Variants in AFAP1 observed in about 807,000 individuals in gnomAD.
The protein encoded by AFAP1 is actin filament associated protein 1.
A neutral mutation model predicts 93.9 loss-of-function variants in AFAP1; 75 were observed. That is an observed-to-expected ratio of 0.80 (90% CI 0.66 to 0.97). AFAP1 has a LOEUF of 0.97. AFAP1 is among the 50% of genes least tolerant of loss of function. AFAP1 has a pLI of 0.00. For missense variants in AFAP1, 1,201 were observed against 1,050.8 expected, an observed-to-expected ratio of 1.14 and a Z score of -1.98; for synonymous variants, 517 against 430.7, an observed-to-expected ratio of 1.20 and a Z score of -2.48.
intron 4 of AFAP1, among the ~76,000 whole-genome samples, chr4:7,844,563 C>A (rs1457801879): frequency 6.6e-6 from 1 of 152,220 alleles, no homozygotes; most frequent in East Asian, 1.9e-4. Context: ...GCCCCCACTG[C>A]AGGCTGTAAG....
At position 7,786,304 on chromosome 4, in the gene AFAP1, T is replaced by G. The variant is rs1162036849; in HGVS notation, c.1420A>C (p.Asn474His). ...QTAKQTFCFM[N>H]RRVISANPYL... ...GGGTTAGCAGATATAACACGCCTGT[T>G]CATGAAACTGAAAGAAAGGAAATGC... The change falls in exon 12 of 18, where the codon AAC (asparagine) becomes CAC (histidine). Residue 474 changes from asparagine to histidine, a missense_variant. Asn to His is a moderately conservative substitution (Grantham distance 68). Coordinates refer to ENST00000420658, the MANE Select transcript of AFAP1 (RefSeq NM_001134647.2). 1 of 1,613,242 alleles carries G rather than the reference T, an allele frequency of 6.2e-7. No homozygotes were observed. The highest frequency in any genetic ancestry group is 1.7e-5 in the Admixed American group (1 of 60,010).
intron 1 of AFAP1, among the ~76,000 whole-genome samples, chr4:7,892,750 C>G (rs147531853): frequency 6.6e-6 from 1 of 152,076 alleles, no homozygotes; most frequent in Non-Finnish European, 1.5e-5. Context: ...TGGTAACACC[C>G]CAAACTATTC....
intron 3 of AFAP1, among the ~76,000 whole-genome samples, chr4:7,865,303 C>T (rs1047381454): frequency 4.6e-5 from 7 of 152,112 alleles, no homozygotes; most frequent in Non-Finnish European, 1.5e-5. Flanking sequence ...GAGAAATTAC[C>T]CACTGGCAAA....
intron 1 of AFAP1, among the ~76,000 whole-genome samples, chr4:7,899,857 A>AAAAT (rs10523683): frequency 0.3 from 44,694 of 149,156 alleles, 7,034 homozygotes; most frequent in East Asian, 0.49. Context: ...GTGCTCTTTA[A>AAAAT]AAATAAATAA....
At chr4:7,795,737 C>T (rs1718359460) in intron 10 of AFAP1, among the ~76,000 whole-genome samples, 2 of 152,054 alleles carry the variant, frequency 1.3e-5, no homozygotes, top group African/African-American at 2.4e-5. Context: ...GAGAATGTAT[C>T]CATGATTAAT....
At chr4:7,783,671 A>G (rs1305751358) in intron 12 of AFAP1, among the ~76,000 whole-genome samples, 6 of 152,248 alleles carry the variant, frequency 3.9e-5, no homozygotes, top group African/African-American at 1.2e-4. Flanking sequence ...GAAGCTGTGA[A>G]TAGCCTAAAG....
intron 12 of AFAP1, among the ~76,000 whole-genome samples, chr4:7,783,346 G>T (rs1716958748): frequency 6.6e-6 from 1 of 152,254 alleles, no homozygotes; most frequent in South Asian, 2.1e-4. Context: ...CACCATGTTG[G>T]CCAGGCTGGT....
intron 1 of AFAP1, among the ~76,000 whole-genome samples, chr4:7,920,008 G>C (rs1032847838): frequency 1.3e-5 from 2 of 152,140 alleles, no homozygotes; most frequent in Admixed American, 6.5e-5. Flanking sequence ...GTATTCCATG[G>C]TGTGTATGTA....
intron 13 of AFAP1, chr4:7,779,332 G>C (rs1716498663): frequency 6.3e-6 from 1 of 157,790 alleles, no homozygotes. Flanking sequence ...ACATCCTACT[G>C]GGATAAGTGA....
Position 7,872,311 on chromosome 4 carries a change from G to C in AFAP1, c.-2-231C>G. 6 of 444,234 alleles carry C rather than the reference G, an allele frequency of 1.4e-5. 1 individual carries two copies. In the East Asian group the frequency reaches 2.2e-4, roughly 17 times the overall value. The allele number at this position is 444,234 out of a possible 1,614,324, so 27.5% of individuals were successfully genotyped here. ...CTTTAAGGCAGCAAAATTCAACTGG[G>C]AGAAGCTCCAAAGCCAGGCTGCCAA... On this transcript the variant is annotated intron_variant, in intron 1 of 17. Coordinates refer to ENST00000420658, the MANE Select transcript of AFAP1 (RefSeq NM_001134647.2).
intron 6 of AFAP1, among the ~76,000 whole-genome samples, chr4:7,821,340 T>TCAA (rs1204988705): frequency 6.6e-6 from 1 of 152,164 alleles, no homozygotes; most frequent in Non-Finnish European, 1.5e-5. Context: ...ACACCGTCAT[T>TCAA]ACTGTCAGCA....
intron 1 of AFAP1, among the ~76,000 whole-genome samples, chr4:7,897,168 A>AT (rs1010996915): frequency 6.6e-6 from 1 of 152,108 alleles, no homozygotes; most frequent in African/African-American, 2.4e-5. Context: ...GCTGAGCTCA[A>AT]TCTCATCTTA....
chr4:7,933,019 CA>C (rs11369145), intron 1 of AFAP1, among the ~76,000 whole-genome samples: 166 of 51,086 alleles, frequency 3.2e-3, no homozygotes, highest in East Asian at 0.022. Flanking sequence ...GACTCCCTCT[CA>C]AAAAAAAAAA....
intron 1 of AFAP1, among the ~76,000 whole-genome samples, chr4:7,917,617 C>T (rs1174685512): frequency 6.6e-6 from 1 of 152,134 alleles, no homozygotes; most frequent in Non-Finnish European, 1.5e-5. Context: ...CCTCAGAATC[C>T]AGGCCAGGCT....
At chr4:7,821,477 A>T (rs990485681) in intron 6 of AFAP1, among the ~76,000 whole-genome samples, 1 of 152,284 alleles carries the variant, frequency 6.6e-6, no homozygotes, top group South Asian at 2.1e-4. Flanking sequence ...ACATGCAGTC[A>T]CCACATGTTT....
intron 1 of AFAP1, among the ~76,000 whole-genome samples, chr4:7,881,742 C>T (rs1717859599): frequency 6.6e-6 from 1 of 151,512 alleles, no homozygotes; most frequent in Non-Finnish European, 1.5e-5. Context: ...GATCACGCCA[C>T]TGCACTTCAG....
At chr4:7,829,757 T>C (rs1390500682) in intron 6 of AFAP1, among the ~76,000 whole-genome samples, 2 of 152,196 alleles carry the variant, frequency 1.3e-5, no homozygotes, top group South Asian at 2.1e-4. Context: ...CACTCTGATA[T>C]ATTGTTGGTG....
chr4:7,853,552 C>T (rs928521713), intron 4 of AFAP1, among the ~76,000 whole-genome samples: 9 of 152,136 alleles, frequency 5.9e-5, no homozygotes, highest in Non-Finnish European at 1.0e-4. Flanking sequence ...GCTGCCGGCC[C>T]GACCAGACAC....
rs1712601672 is a variant in AFAP1 at position 7,838,628 on chromosome 4, T to C, written c.622A>G (p.Lys208Glu). 1.2e-6 allele frequency: 2 copies of C among 1,614,162 alleles called. No homozygotes were observed. Among genetic ancestry groups the C allele is most frequent in the Admixed American group, 3.3e-5 (2 of 60,014 alleles). ...LQGCNITYIP[K>E]DSKKKKHELK... ...TCGTGCTTCTTCTTTTTGCTGTCTT[T>C]CGGGATGTACGTAATGTTACAGCCT... is the stretch of plus-strand genomic sequence containing the variant. The change falls in exon 6 of 18, where the codon AAA becomes GAA. Residue 208 changes from lysine to glutamate, a missense_variant. Physicochemically the swap from Lys to Glu is moderately conservative, Grantham distance 56. Coordinates refer to ENST00000420658, the MANE Select transcript of AFAP1 (RefSeq NM_001134647.2).
Sources: allele counts gnomAD v4.1 joint callset (sites outside exome capture counted in the v4.1 genomes callset), GRCh38; gene constraint gnomAD v4.1.1; transcripts MANE v1.5; gene names NCBI Gene and HGNC (gene_info 2026-07-23, HGNC 2026-07-21).